Variants in PITPNM3 observed in about 807,000 individuals in gnomAD.
PITPNM3 encodes the protein membrane-associated phosphatidylinositol transfer protein 3.
PITPNM3 carries 26 observed loss-of-function variants against 102.0 expected under a neutral mutation model. The observed-to-expected ratio is 0.25, with a 90% CI of 0.19 to 0.35. PITPNM3 has a LOEUF of 0.35. Ranked by LOEUF, PITPNM3 falls within the 10% of genes least tolerant of loss-of-function variation. The pLI, the probability that PITPNM3 is intolerant of heterozygous loss-of-function variation, is 1.00. For synonymous variants in PITPNM3, 578 were observed against 558.6 expected, an observed-to-expected ratio of 1.03 and a Z score of -0.49; for missense variants, 1,083 against 1,346.1, an observed-to-expected ratio of 0.80 and a Z score of 3.06.
intron 3 of PITPNM3, among the ~76,000 whole-genome samples, chr17:6,508,167 C>T (rs1208375953): frequency 2.0e-5 from 3 of 152,146 alleles, no homozygotes; most frequent in African/African-American, 4.8e-5. Context: ...AACGCCAGTG[C>T]GCAAGCTTCA....
rs771936691 is a variant in PITPNM3 at position 6,468,180 on chromosome 17, C to G, written c.1890+45G>C. On this transcript the variant is annotated intron_variant, in intron 14 of 19. Coordinates refer to ENST00000262483, the MANE Select transcript of PITPNM3 (RefSeq NM_031220.4). The surrounding 1 kb of genome is among the most constrained non-coding windows in gnomAD (Gnocchi z 5.2). Reference sequence around the variant, plus strand: ...CAGCCCCCGGGCCAGCCCCACCTCCCGGAGGACACAGTCCCAGCCACATGC... The same window carrying G: ...CAGCCCCCGGGCCAGCCCCACCTCCGGGAGGACACAGTCCCAGCCACATGC... 6.3e-7 allele frequency: 1 copy of G among 1,589,704 alleles called. No homozygotes were observed. The highest frequency in any genetic ancestry group is 1.1e-5 in the South Asian group (1 of 90,534).
rs558625214 is a variant in PITPNM3 at position 6,512,123 on chromosome 17, C to T, written c.227-8549G>A. 2.6e-5 allele frequency among the ~76,000 whole-genome samples: 4 copies of T among 152,264 alleles called. No individual in the cohort carries two copies. In the South Asian group the frequency reaches 8.3e-4, roughly 32 times the overall value. On this transcript the variant is annotated intron_variant, in intron 3 of 19. Coordinates refer to ENST00000262483, the MANE Select transcript of PITPNM3 (RefSeq NM_031220.4). ...GCTTATGCCAAGCAAAGCATCTGTC[C>T]CAAAGTGTGAGAAAGGATGAGTGTT... is the stretch of plus-strand genomic sequence containing the variant.
chr17:6,497,430 A>G (rs1906899745), intron 4 of PITPNM3, among the ~76,000 whole-genome samples: 1 of 152,154 alleles, frequency 6.6e-6, no homozygotes, highest in African/African-American at 2.4e-5. Context: ...TCAGTCCAGG[A>G]CCAGGGGCTG....
At chr17:6,483,436 G>A (rs1437945767) in intron 6 of PITPNM3, 81 bp downstream of exon 6, 10 of 1,368,148 alleles carry the variant, frequency 7.3e-6, no homozygotes, top group Non-Finnish European at 9.2e-6. Flanking sequence ...CCTGCCCACG[G>A]GGTCCATGCT....
At chr17:6,481,826 AATAG>A (rs944439272) in intron 6 of PITPNM3, 35 of 142,344 alleles carry the variant, frequency 2.5e-4, no homozygotes, top group South Asian at 1.2e-3. Context: ...TGGATGGATG[AATAG>A]ATAGATAAAC....
At position 6,470,490 on chromosome 17, in the gene PITPNM3, A is replaced by T. The variant is rs1478473246; in HGVS notation, c.1625-82T>A. On this transcript the variant is annotated intron_variant, in intron 12 of 19. Transcript: ENST00000262483. This position sits in a 1 kb window ranked among gnomAD's most constrained non-coding sequence, Gnocchi z 4.8. ...GGCAGCGGGGTCTCCCATTGCACAG[A>T]CTGGTGGTGGATGCCCCACGTGGGG... is the stretch of plus-strand genomic sequence containing the variant. 4 of 1,590,008 alleles carry T rather than the reference A, an allele frequency of 2.5e-6. No individual in the cohort carries two copies. Among genetic ancestry groups the T allele is most frequent in the Non-Finnish European group, 3.4e-6 (4 of 1,161,154 alleles).
intron 14 of PITPNM3, among the ~76,000 whole-genome samples, chr17:6,466,242 C>T (rs1467054399): frequency 6.6e-6 from 1 of 152,254 alleles, no homozygotes; most frequent in Non-Finnish European, 1.5e-5. Context: ...TGACTAGACT[C>T]AGCGCCATCA....
intron 8 of PITPNM3, 24 bp from the exon 9 acceptor site, chr17:6,477,237 G>A: frequency 3.1e-6 from 5 of 1,610,518 alleles, no homozygotes; most frequent in East Asian, 2.2e-5. Flanking sequence ...CAGGGGACAG[G>A]AGAGAAAAAG....
intron 2 of PITPNM3, among the ~76,000 whole-genome samples, chr17:6,530,118 G>A (rs1398678888): frequency 2.0e-5 from 3 of 152,240 alleles, no homozygotes; most frequent in Admixed American, 2.0e-4. Flanking sequence ...AGAGACCCAA[G>A]ACTTGCCTGA....
intron 3 of PITPNM3, among the ~76,000 whole-genome samples, chr17:6,504,215 C>T (rs1448649319): frequency 6.6e-6 from 1 of 152,152 alleles, no homozygotes; most frequent in African/African-American, 2.4e-5. Flanking sequence ...CCATGCAAAG[C>T]TACCTCATTT....
intron 4 of PITPNM3, 88 bp downstream of exon 4, chr17:6,503,437 GCT>G (rs1415495316): frequency 3.5e-5 from 50 of 1,413,536 alleles, no homozygotes; most frequent in Middle Eastern, 4.9e-4. Flanking sequence ...ATCCTTTCAG[GCT>G]CTGAGTGGAT....
chr17:6,454,948 C>T lies in PITPNM3; in HGVS notation c.*390G>A, dbSNP rs578023917. On this transcript the variant is annotated 3_prime_UTR_variant, in exon 20 of 20. Transcript: ENST00000262483. ...CTGTGCCTGCCAGCGGCGCTTGGTG[C>T]CGAGGCTGGGGCTGCCCCCTTGAGG... The T allele has an allele frequency of 8.5e-6, 2 of 234,338 alleles. No individual in the cohort carries two copies. Among genetic ancestry groups the T allele is most frequent in the East Asian group, 1.9e-4 (2 of 10,520 alleles). The allele number at this position is 234,338 out of a possible 1,614,324, so 14.5% of individuals were successfully genotyped here.
In PITPNM3 at chr17:6,478,559, G is replaced by C; in HGVS notation, c.765C>G (p.Gly255=). ...CAGGCTGTCCTACCTGCCCACTGAAGCCAATCCCATCAGAGGACTTCAGGA... is the reference window on the plus strand; with the variant it reads ...CAGGCTGTCCTACCTGCCCACTGAACCCAATCCCATCAGAGGACTTCAGGA... ...REFLKSSDGI[G]FSGQVCLIGD... Residue 255 remains glycine, a synonymous_variant, in exon 7 of 20, where the codon GGC becomes GGG. Coordinates refer to ENST00000262483, the MANE Select transcript of PITPNM3 (RefSeq NM_031220.4). The surrounding 1 kb of genome is among the most constrained non-coding windows in gnomAD (Gnocchi z 4.4). 6.2e-7 allele frequency: 1 copy of C among 1,614,062 alleles called. No individual in the cohort carries two copies. The highest frequency in any genetic ancestry group is 8.5e-7 in the Non-Finnish European group (1 of 1,180,018).
chr17:6,452,136 T>G lies in PITPNM3; in HGVS notation c.*3202A>C, dbSNP rs533934456. On this transcript the variant is annotated 3_prime_UTR_variant, in exon 20 of 20. Coordinates refer to ENST00000262483, the MANE Select transcript of PITPNM3 (RefSeq NM_031220.4). ...TGGAATACTGGGATTCAAACACATT[T>G]GTTTGCTGTAGCCCAGCACCCAGAC... is the stretch of plus-strand genomic sequence containing the variant. 1.3e-5 allele frequency: 2 copies of G among 152,348 alleles called. No individual in the cohort carries two copies. Among genetic ancestry groups the G allele is most frequent in the African/African-American group, 4.8e-5 (2 of 41,568 alleles). 9.4% of individuals were successfully genotyped at this position (152,348 alleles called of 1,614,324 possible).
chr17:6,549,452 G>C (rs1423399310), intron 1 of PITPNM3, among the ~76,000 whole-genome samples: 1 of 152,172 alleles, frequency 6.6e-6, no homozygotes, highest in Non-Finnish European at 1.5e-5. Context: ...TGGCTGTGTG[G>C]GGCCCCAGTG....
chr17:6,476,804 A>G (rs1230991236), intron 9 of PITPNM3, among the ~76,000 whole-genome samples: 2 of 152,242 alleles, frequency 1.3e-5, no homozygotes, highest in African/African-American at 4.8e-5. Context: ...TCTGCAAGTC[A>G]GAGCAGGGCA....
intron 1 of PITPNM3, among the ~76,000 whole-genome samples, chr17:6,545,308 CA>C (rs2150675009): frequency 6.6e-6 from 1 of 152,292 alleles, no homozygotes; most frequent in African/African-American, 2.4e-5. Flanking sequence ...TGTGATTCTC[CA>C]AGAGCTTTTC....
At chr17:6,489,718 G>T (rs892889886) in intron 4 of PITPNM3, among the ~76,000 whole-genome samples, 2 of 152,088 alleles carry the variant, frequency 1.3e-5, no homozygotes, top group African/African-American at 4.8e-5. Context: ...TTAAAAAGAC[G>T]TTACTTGCCG....
At chr17:6,491,126 G>GGAGGC (rs1906456019) in intron 4 of PITPNM3, among the ~76,000 whole-genome samples, 1 of 135,550 alleles carries the variant, frequency 7.4e-6, no homozygotes, top group African/African-American at 2.7e-5. Flanking sequence ...CGAGGGGAGG[G>GGAGGC]GAGGGGAGCA....
Sources: allele counts gnomAD v4.1 joint callset (sites outside exome capture counted in the v4.1 genomes callset), GRCh38; gene constraint gnomAD v4.1.1; non-coding constraint Gnocchi (gnomAD v3.1); transcripts MANE v1.5; gene names NCBI Gene and HGNC (gene_info 2026-07-23, HGNC 2026-07-21).